The following CCDC146 variants were observed in gnomAD, a reference collection of about 807,000 sequenced individuals.
CCDC146 encodes the protein coiled-coil domain-containing protein 146.
A neutral mutation model predicts 119.3 loss-of-function variants in CCDC146; 92 were observed. That is an observed-to-expected ratio of 0.77 (90% confidence interval 0.65 to 0.92). CCDC146 has a LOEUF of 0.92. CCDC146 is among the 40% of genes least tolerant of loss of function. The pLI is 0.00. For synonymous variants in CCDC146, 372 were observed against 371.8 expected, an observed-to-expected ratio of 1.00 and a Z score of -0.01; for missense variants, 1,000 against 1,103.0, an observed-to-expected ratio of 0.91 and a Z score of 1.32.
intron 2 of CCDC146, among the ~76,000 whole-genome samples, chr7:77,232,236 T>C (rs1048755869): frequency 3.7e-4 from 57 of 152,322 alleles, no homozygotes; most frequent in African/African-American, 1.3e-3. Context: ...ACTGGGTCTG[T>C]GTGTGGCTTG....
At chr7:77,194,142 A>T (rs1329979016) in intron 2 of CCDC146, 2 of 152,096 alleles carry the variant, frequency 1.3e-5, no homozygotes, top group East Asian at 1.9e-4. Flanking sequence ...TCCTGAAGTT[A>T]TACCTAGTTC....
rs184129381 is a variant in CCDC146 at position 77,202,732 on chromosome 7, G to A, written c.157-34215G>A. On this transcript the variant is annotated intron_variant, in intron 2 of 18. Coordinates refer to ENST00000285871, the MANE Select transcript of CCDC146 (RefSeq NM_020879.3). Reference sequence around the variant, plus strand: ...CATGGAGGGCAGAGAGTGTTGTACCGCCTCTACGGTTCCTCCCTGCACTTG... The same window carrying A: ...CATGGAGGGCAGAGAGTGTTGTACCACCTCTACGGTTCCTCCCTGCACTTG... Among the ~76,000 whole-genome samples the A allele has an allele frequency of 2.1e-3, 325 of 152,270 alleles. 1 individual carries two copies. The highest frequency in any genetic ancestry group is 7.2e-3 in the African/African-American group (300 of 41,558).
Position 77,267,550 on chromosome 7 carries a change from A to G in CCDC146, c.1173+5243A>G, listed in dbSNP as rs75160920. Among the ~76,000 whole-genome samples the G allele has an allele frequency of 2.5e-3, 377 of 152,098 alleles. 1 individual carries two copies. The highest frequency in any genetic ancestry group is 8.4e-3 in the African/African-American group (350 of 41,496). On this transcript the variant is annotated intron_variant, in intron 9 of 18. Coordinates refer to ENST00000285871, the MANE Select transcript of CCDC146 (RefSeq NM_020879.3). The stretch of plus-strand genomic sequence containing the variant: ...CTTTTTTTTTTTTTTAATCACTATA[A>G]AAGATGAGGATTCAGCCCTCTTTAG...
In CCDC146 at chr7:77,196,219, T is replaced by C. The variant is rs2150430379; in HGVS notation, c.156+28395T>C. 8.1e-7 allele frequency: 1 copy of C among 1,235,866 alleles called. No individual in the cohort carries two copies. The highest frequency in any genetic ancestry group is 2.3e-5 in the East Asian group (1 of 42,626). The allele number at this position is 1,235,866 out of a possible 1,614,324, so 76.6% of individuals were successfully genotyped here. On this transcript the variant is annotated intron_variant, in intron 2 of 18. Coordinates refer to ENST00000285871, the MANE Select transcript of CCDC146 (RefSeq NM_020879.3). The surrounding 1 kb of genome is among the most constrained non-coding windows in gnomAD (Gnocchi z 4.2). ...ATATGAAACAAGGCATATTCTAAAG[T>C]GCTGAAGGAATTAATTGCCCTATTA...
chr7:77,278,843 A>T lies in CCDC146; in HGVS notation c.1529+3A>T, dbSNP rs1221858880. The stretch of plus-strand genomic sequence containing the variant: ...AAAAAATGTGAAATTTATCGGAGGT[A>T]AAGTAATTATGTGGTGTTTTATCTA... On this transcript the variant is annotated splice_donor_region_variant and intron_variant, in intron 12 of 18. Transcript: ENST00000285871. 2 of 1,608,358 alleles carry T rather than the reference A, an allele frequency of 1.2e-6. No homozygotes were observed. The highest frequency in any genetic ancestry group is 2.2e-5 in the East Asian group (1 of 44,820).
At chr7:77,266,889 A>C (rs1458593080) in intron 9 of CCDC146, among the ~76,000 whole-genome samples, 1 of 152,218 alleles carries the variant, frequency 6.6e-6, no homozygotes, top group Non-Finnish European at 1.5e-5. Flanking sequence ...AGGAACCAAG[A>C]GGAATCTTAA....
chr7:77,288,731 C>T (rs989155556), intron 17 of CCDC146, among the ~76,000 whole-genome samples: 1 of 152,148 alleles, frequency 6.6e-6, no homozygotes, highest in African/African-American at 2.4e-5. Context: ...TTGTTTACAC[C>T]ATAGGAAGCT....
At chr7:77,171,708 C>T (rs891668625) in intron 2 of CCDC146, among the ~76,000 whole-genome samples, 6 of 152,354 alleles carry the variant, frequency 3.9e-5, no homozygotes, top group Admixed American at 6.5e-5. Context: ...GCCATCTTGG[C>T]TTGTAGCCAC....
intron 15 of CCDC146, among the ~76,000 whole-genome samples, chr7:77,284,777 C>T (rs1241533270): frequency 6.6e-6 from 1 of 151,928 alleles, no homozygotes; most frequent in African/African-American, 2.4e-5. Context: ...TTTGATTGCA[C>T]ATGAACTGAG....
At chr7:77,181,626 T>C (rs569258533) in intron 2 of CCDC146, among the ~76,000 whole-genome samples, 23 of 152,304 alleles carry the variant, frequency 1.5e-4, no homozygotes, top group African/African-American at 4.8e-4. Flanking sequence ...TCCCATTTTT[T>C]CCACTGGGAA....
chr7:77,155,467 G>A (rs989963563), intron 1 of CCDC146, among the ~76,000 whole-genome samples: 3 of 151,778 alleles, frequency 2.0e-5, no homozygotes, highest in African/African-American at 4.9e-5. Flanking sequence ...GGCTATTGAA[G>A]ACCAAGAGGA....
At chr7:77,127,981 C>A (rs1790712733) in intron 1 of CCDC146, among the ~76,000 whole-genome samples, 1 of 152,010 alleles carries the variant, frequency 6.6e-6, no homozygotes, top group East Asian at 1.9e-4. Context: ...ATTATCATTT[C>A]TAGAATATTT....
intron 1 of CCDC146, among the ~76,000 whole-genome samples, chr7:77,145,027 G>A (rs998652556): frequency 1.3e-5 from 2 of 151,608 alleles, no homozygotes; most frequent in African/African-American, 4.9e-5. Flanking sequence ...GGTAGAATTC[G>A]GCTGTGAATC....
chr7:77,231,091 A>T (rs1426113182), intron 2 of CCDC146, among the ~76,000 whole-genome samples: 1 of 152,104 alleles, frequency 6.6e-6, no homozygotes, highest in African/African-American at 2.4e-5. Flanking sequence ...ACACCATCCC[A>T]CCTGAAATGT....
intron 9 of CCDC146, among the ~76,000 whole-genome samples, chr7:77,266,075 G>A (rs1163016633): frequency 1.3e-5 from 2 of 152,170 alleles, no homozygotes; most frequent in African/African-American, 2.4e-5. Context: ...GCACTGAAAA[G>A]AAAGAAAACC....
intron 6 of CCDC146, among the ~76,000 whole-genome samples, chr7:77,258,329 C>CT (rs1162597571): frequency 6.6e-6 from 1 of 152,158 alleles, no homozygotes; most frequent in East Asian, 1.9e-4. Context: ...CATTAGCAGT[C>CT]ACCCCTGCAG....
At position 77,196,441 on chromosome 7, in the gene CCDC146, A is replaced by C; in HGVS notation, c.156+28617A>C. On this transcript the variant is annotated intron_variant, in intron 2 of 18. Transcript: ENST00000285871. The surrounding 1 kb of genome is among the most constrained non-coding windows in gnomAD (Gnocchi z 4.2). ...GATAATATTTGCCATTTAAGTTTGC[A>C]GAAAGACATGCATCAAACCACCAGC... 3.1e-6 allele frequency: 5 copies of C among 1,614,204 alleles called. No homozygotes were observed. Among genetic ancestry groups the C allele is most frequent in the Non-Finnish European group, 4.2e-6 (5 of 1,180,036 alleles).
intron 14 of CCDC146, among the ~76,000 whole-genome samples, chr7:77,281,283 G>A (rs1584144213): frequency 6.6e-6 from 1 of 152,278 alleles, no homozygotes; most frequent in East Asian, 1.9e-4. Context: ...ACATAAATAA[G>A]TGTGGAACTT....
intron 17 of CCDC146, among the ~76,000 whole-genome samples, chr7:77,289,784 G>T (rs1231512927): frequency 6.6e-6 from 1 of 152,228 alleles, no homozygotes; most frequent in African/African-American, 2.4e-5. Context: ...AGCAACCCAG[G>T]ATAATATGAA....
Sources: allele counts gnomAD v4.1 joint callset (sites outside exome capture counted in the v4.1 genomes callset), GRCh38; gene constraint gnomAD v4.1.1; non-coding constraint Gnocchi (gnomAD v3.1); transcripts MANE v1.5; gene names NCBI Gene and HGNC (gene_info 2026-07-23, HGNC 2026-07-21).